Variants in SCRN1 observed in about 807,000 individuals in gnomAD.
SCRN1 encodes the protein secernin 1, also known as secernin-1.
SCRN1 carries 19 observed loss-of-function variants against 43.3 expected under a neutral mutation model. That is an observed-to-expected ratio of 0.44 (90% CI 0.31 to 0.64). The LOEUF (loss-of-function observed/expected upper bound fraction) is 0.64. SCRN1 is among the 30% of genes least tolerant of loss of function. SCRN1 has a pLI of 0.09. For missense variants in SCRN1, 447 were observed against 524.1 expected, an observed-to-expected ratio of 0.85 and a Z score of 1.44; for synonymous variants, 183 against 188.9, an observed-to-expected ratio of 0.97 and a Z score of 0.26.
At chr7:29,949,053 C>T (rs1032936454) in intron 3 of SCRN1, among the ~76,000 whole-genome samples, 4 of 152,132 alleles carry the variant, frequency 2.6e-5, no homozygotes, top group African/African-American at 9.7e-5. Flanking sequence ...CGGTGGCTCA[C>T]ACCTGTAATC....
intron 6 of SCRN1, among the ~76,000 whole-genome samples, chr7:29,931,475 A>G (rs1171489511): frequency 1.3e-5 from 2 of 152,238 alleles, no homozygotes; most frequent in African/African-American, 4.8e-5. Flanking sequence ...ATTCCTACTA[A>G]GTGGCAGATC....
intron 6 of SCRN1, among the ~76,000 whole-genome samples, chr7:29,927,364 ACC>A (rs1190573687): frequency 4.2e-5 from 2 of 47,518 alleles, no homozygotes; most frequent in Non-Finnish European, 8.7e-5. Flanking sequence ...CCACCCACCC[ACC>A]CACACACACA....
At position 29,967,974 on chromosome 7, in the gene SCRN1, G is replaced by A. The variant is rs142689357; in HGVS notation, c.159+935C>T. 4.6e-3 allele frequency among the ~76,000 whole-genome samples: 693 copies of A among 152,168 alleles called. 3 individuals are homozygous for A. The highest frequency in any genetic ancestry group is 0.015 in the African/African-American group (628 of 41,504). On this transcript the variant is annotated intron_variant, in intron 2 of 7. Coordinates refer to ENST00000242059, the MANE Select transcript of SCRN1 (RefSeq NM_014766.5). ...GAATGCAAAACGGTACACCACCTAT[G>A]GAAGGAAATTTGATAATATTTAATA...
intron 2 of SCRN1, among the ~76,000 whole-genome samples, chr7:29,963,526 AG>A (rs1788396948): frequency 6.6e-6 from 1 of 152,240 alleles, no homozygotes. Context: ...CTAGGGTACA[AG>A]CTGAGAGGGC....
At chr7:29,976,143 A>G (rs1468610386) in intron 1 of SCRN1, among the ~76,000 whole-genome samples, 1 of 152,170 alleles carries the variant, frequency 6.6e-6, no homozygotes. Context: ...AGTGCGAGCC[A>G]CCAGTTTTCC....
At position 29,922,243 on chromosome 7, in the gene SCRN1, T is replaced by C. The variant is rs905815563; in HGVS notation, c.*1714A>G. The C allele has an allele frequency of 2.0e-5, 3 of 152,344 alleles. No individual in the cohort carries two copies. Among genetic ancestry groups the C allele is most frequent in the African/African-American group, 7.2e-5 (3 of 41,574 alleles). The allele number at this position is 152,344 out of a possible 1,614,324, so 9.4% of individuals were successfully genotyped here. Reference sequence around the variant, plus strand: ...CCACAATGTGTGGTTAATGATTTTATATACAGAGTTTACAAAACTGCTGAC... The same window carrying C: ...CCACAATGTGTGGTTAATGATTTTACATACAGAGTTTACAAAACTGCTGAC... On this transcript the variant is annotated 3_prime_UTR_variant, in exon 8 of 8. Transcript: ENST00000242059.
chr7:29,945,211 A>G (rs1223612716), intron 3 of SCRN1, among the ~76,000 whole-genome samples: 1 of 152,006 alleles, frequency 6.6e-6, no homozygotes, highest in Non-Finnish European at 1.5e-5. Context: ...CAATTAATAA[A>G]CCCTTTAAAG....
chr7:29,984,334 A>T (rs550104537), intron 1 of SCRN1, among the ~76,000 whole-genome samples: 1 of 152,170 alleles, frequency 6.6e-6, no homozygotes, highest in Non-Finnish European at 1.5e-5. Flanking sequence ...ATATGGATAA[A>T]TTTTTTAAAT....
intron 6 of SCRN1, among the ~76,000 whole-genome samples, chr7:29,927,356 AC>A (rs1787000753): frequency 1.9e-5 from 1 of 53,514 alleles, no homozygotes; most frequent in African/African-American, 7.2e-5. Context: ...TCACCCCCCC[AC>A]CCACCCACCC....
At chr7:29,949,321 GAA>G (rs80100397) in intron 3 of SCRN1, among the ~76,000 whole-genome samples, 2 of 129,594 alleles carry the variant, frequency 1.5e-5, no homozygotes, top group Non-Finnish European at 1.7e-5. Flanking sequence ...TCTAAAAAAA[GAA>G]AAAAAAAAAG....
chr7:29,947,106 A>C (rs1167976711), intron 3 of SCRN1: 1 of 1,441,006 alleles, frequency 6.9e-7, no homozygotes, highest in African/African-American at 1.4e-5. Flanking sequence ...GAAGAAACTC[A>C]ATGGGCCAAG....
intron 2 of SCRN1, among the ~76,000 whole-genome samples, chr7:29,957,720 G>A (rs988119183): frequency 3.3e-5 from 5 of 152,174 alleles, no homozygotes; most frequent in South Asian, 2.1e-4. Context: ...CGCATGGTCC[G>A]CTAGAGGCTG....
intron 1 of SCRN1, among the ~76,000 whole-genome samples, chr7:29,986,531 A>G (rs935641047): frequency 6.6e-5 from 10 of 152,070 alleles, no homozygotes; most frequent in Non-Finnish European, 1.2e-4. Flanking sequence ...ACCAGATGAA[A>G]CAGCACAGAT....
intron 2 of SCRN1, among the ~76,000 whole-genome samples, chr7:29,966,692 G>A (rs775128185): frequency 7.9e-5 from 12 of 152,170 alleles, no homozygotes; most frequent in Non-Finnish European, 1.5e-4. Flanking sequence ...TCCCACTAAA[G>A]TTGCAAGGGC....
At chr7:29,937,138 A>G (rs1298455479) in intron 5 of SCRN1, among the ~76,000 whole-genome samples, 1 of 151,434 alleles carries the variant, frequency 6.6e-6, no homozygotes, top group Non-Finnish European at 1.5e-5. Context: ...TTCTCTTTTT[A>G]GTAATAAAAA....
chr7:29,985,960 C>T (rs1232161268), intron 1 of SCRN1, among the ~76,000 whole-genome samples: 2 of 152,354 alleles, frequency 1.3e-5, no homozygotes, highest in East Asian at 1.9e-4. Flanking sequence ...AAGGGCTGGG[C>T]GAGGTGGCTC....
At chr7:29,970,459 G>C (rs1047535421) in intron 1 of SCRN1, among the ~76,000 whole-genome samples, 2 of 152,124 alleles carry the variant, frequency 1.3e-5, no homozygotes, top group African/African-American at 4.8e-5. Flanking sequence ...AATGTGTGTT[G>C]CTGTACTATA....
rs1244164673 is a variant in SCRN1 at position 29,921,526 on chromosome 7, T to C, written c.*2431A>G. On this transcript the variant is annotated 3_prime_UTR_variant, in exon 8 of 8. Transcript: ENST00000242059. ...TGTCGTCTTTCTCCACCCATCCCAA[T>C]GCACAACTGTCAACTGTGCTTATAG... 1 of 152,240 alleles carries C rather than the reference T, an allele frequency of 6.6e-6. No individual in the cohort carries two copies. The highest frequency in any genetic ancestry group is 2.4e-5 in the African/African-American group (1 of 41,454). 9.4% of individuals were successfully genotyped at this position (152,240 alleles called of 1,614,324 possible). A position where few individuals can be genotyped will look rare whatever the true frequency, so the allele number is the denominator to read the frequency against.
chr7:29,966,797 G>C (rs1788512682), intron 2 of SCRN1, among the ~76,000 whole-genome samples: 1 of 152,164 alleles, frequency 6.6e-6, no homozygotes, highest in Non-Finnish European at 1.5e-5. Flanking sequence ...GACAGCCCAT[G>C]TGAAGCCCTG....
Sources: allele counts gnomAD v4.1 joint callset (sites outside exome capture counted in the v4.1 genomes callset), GRCh38; gene constraint gnomAD v4.1.1; transcripts MANE v1.5; gene names NCBI Gene and HGNC (gene_info 2026-07-23, HGNC 2026-07-21).